The following DNER variants were observed in gnomAD, a reference collection of about 807,000 sequenced individuals.
DNER encodes the protein delta and Notch-like epidermal growth factor-related receptor.
Under a neutral mutation model 78.2 loss-of-function variants are expected in DNER, and 33 were observed. The ratio of observed to expected loss-of-function variants is 0.42; its 90% CI spans 0.32 to 0.56. DNER has a LOEUF of 0.56. Ranked by LOEUF, DNER falls within the 20% of genes least tolerant of loss-of-function variation. The probability of loss-of-function intolerance (pLI) is 0.11; values close to 1 mark genes in which losing one functional copy is unlikely to be tolerated. For synonymous variants in DNER, 417 were observed against 384.8 expected, an observed-to-expected ratio of 1.08 and a Z score of -0.98; for missense variants, 918 against 975.3, an observed-to-expected ratio of 0.94 and a Z score of 0.78.
intron 9 of DNER, among the ~76,000 whole-genome samples, chr2:229,411,315 G>T (rs1402161648): frequency 2.0e-5 from 3 of 152,154 alleles, no homozygotes; most frequent in African/African-American, 7.2e-5. Flanking sequence ...CCAGCACTTT[G>T]GGAGGCCAAC....
rs57647946 is a variant in DNER at position 229,477,099 on chromosome 2, A to C, written c.1261+41T>G. 6,019 of 1,514,828 alleles carry C rather than the reference A, an allele frequency of 4.0e-3. 209 individuals are homozygous for C. In the African/African-American group the frequency reaches 0.074, roughly 19 times the overall value. 93.8% of individuals were successfully genotyped at this position (1,514,828 alleles called of 1,614,324 possible). The stretch of plus-strand genomic sequence containing the variant: ...GCTGATCAAATTAGTTTATGATTTA[A>C]AATGAAAAAAGTTCTTTCTGGAGTA... On this transcript the variant is annotated intron_variant, in intron 7 of 12. Coordinates refer to ENST00000341772, the MANE Select transcript of DNER (RefSeq NM_139072.4).
At chr2:229,662,295 G>A (rs1699021678) in intron 1 of DNER, among the ~76,000 whole-genome samples, 1 of 152,130 alleles carries the variant, frequency 6.6e-6, no homozygotes, top group African/African-American at 2.4e-5. Flanking sequence ...CTGTGTCTTG[G>A]AGCAGCCTCA....
At chr2:229,437,125 T>C (rs775268058) in intron 8 of DNER, among the ~76,000 whole-genome samples, 29 of 151,808 alleles carry the variant, frequency 1.9e-4, no homozygotes, top group Admixed American at 1.1e-3. Context: ...ACAGAAAACA[T>C]AAAAAGGCAG....
At chr2:229,535,331 A>T (rs1454927602) in intron 5 of DNER, among the ~76,000 whole-genome samples, 1 of 152,204 alleles carries the variant, frequency 6.6e-6, no homozygotes, top group Non-Finnish European at 1.5e-5. Context: ...CCAGTAGACA[A>T]ATCTTCGAGT....
At chr2:229,687,727 AT>A (rs1022344143) in intron 1 of DNER, among the ~76,000 whole-genome samples, 2 of 152,222 alleles carry the variant, frequency 1.3e-5, no homozygotes, top group African/African-American at 4.8e-5. Context: ...CAAGAAGTAT[AT>A]TTTTAATGAA....
intron 8 of DNER, among the ~76,000 whole-genome samples, chr2:229,443,924 T>C: frequency 6.6e-6 from 1 of 152,158 alleles, no homozygotes; most frequent in East Asian, 1.9e-4. Flanking sequence ...TTTTACACAG[T>C]CACCTAACAA....
chr2:229,423,116 G>A (rs1687555351), intron 8 of DNER, among the ~76,000 whole-genome samples: 1 of 152,032 alleles, frequency 6.6e-6, no homozygotes, highest in Non-Finnish European at 1.5e-5. Context: ...TGATTGGAGG[G>A]TTCTACTGGA....
In DNER at chr2:229,506,006, T is replaced by C. The variant is rs575712384; in HGVS notation, c.1147+6777A>G. Among the ~76,000 whole-genome samples, 14 of 152,300 alleles carry C rather than the reference T, an allele frequency of 9.2e-5. No homozygotes were observed. In the East Asian group the frequency reaches 2.5e-3, roughly 27 times the overall value. ...TTTAATAGAAGACATAACAGATGACTGTTTCGTGAATCAAGATCAATTTGC... is the reference window on the plus strand; with the variant it reads ...TTTAATAGAAGACATAACAGATGACCGTTTCGTGAATCAAGATCAATTTGC... On this transcript the variant is annotated intron_variant, in intron 6 of 12. Coordinates refer to ENST00000341772, the MANE Select transcript of DNER (RefSeq NM_139072.4).
At chr2:229,540,961 G>C (rs1449403466) in intron 5 of DNER, among the ~76,000 whole-genome samples, 1 of 152,196 alleles carries the variant, frequency 6.6e-6, no homozygotes, top group African/African-American at 2.4e-5. Flanking sequence ...ACATAGGCCA[G>C]AGCCAATCAA....
Position 229,418,176 on chromosome 2 carries a change from C to T in DNER, c.1541G>A (p.Cys514Tyr). 6.2e-7 allele frequency: 1 copy of T among 1,614,148 alleles called. No individual in the cohort carries two copies. Among genetic ancestry groups the T allele is most frequent in the Non-Finnish European group, 8.5e-7 (1 of 1,180,002 alleles). The change falls in exon 9 of 13, where the codon TGC becomes TAC. Residue 514 changes from cysteine to tyrosine, a missense_variant. Physicochemically the swap from Cys to Tyr is radical, Grantham distance 194 (BLOSUM62 -2). Coordinates refer to ENST00000341772, the MANE Select transcript of DNER (RefSeq NM_139072.4). The stretch of plus-strand genomic sequence containing the variant: ...GTCCCTGCAGGTGGCTGCATTCAGG[C>T]ATGGAGCGGAGAGGCACTCATTATA... ...EEYNECLSAP[C>Y]LNAATCRDLV...
At chr2:229,540,915 T>G (rs1222796314) in intron 5 of DNER, among the ~76,000 whole-genome samples, 2 of 152,244 alleles carry the variant, frequency 1.3e-5, no homozygotes, top group Non-Finnish European at 2.9e-5. Context: ...CTAGGGAGTC[T>G]TCTCAGAGTG....
chr2:229,546,830 C>CAGATAGAT lies in DNER; in HGVS notation c.993+109_993+116dup, dbSNP rs1262554079. The CAGATAGAT allele has an allele frequency of 1.1e-5, 13 of 1,214,768 alleles. No homozygotes were observed. In the African/African-American group the frequency reaches 1.5e-4, roughly 14 times the overall value. 75.2% of individuals were successfully genotyped at this position (1,214,768 alleles called of 1,614,324 possible). On this transcript the variant is annotated intron_variant, in intron 5 of 12. Coordinates refer to ENST00000341772, the MANE Select transcript of DNER (RefSeq NM_139072.4). ...ACAGACAGACAGACAGACAGACAGA[C>CAGATAGAT]AGATAGATAGATAGAGCAAGGATGA...
chr2:229,680,496 A>G (rs866640334), intron 1 of DNER, among the ~76,000 whole-genome samples: 28 of 152,158 alleles, frequency 1.8e-4, no homozygotes, highest in African/African-American at 5.3e-4. Context: ...GGAGTCACTA[A>G]TTTTATCATT....
At chr2:229,494,878 C>T (rs1259141058) in intron 6 of DNER, among the ~76,000 whole-genome samples, 1 of 152,158 alleles carries the variant, frequency 6.6e-6, no homozygotes, top group Admixed American at 6.5e-5. Context: ...TCTCTGTCCC[C>T]TTTAGTTCAA....
chr2:229,646,548 T>G (rs1430296480), intron 1 of DNER, among the ~76,000 whole-genome samples: 4 of 152,272 alleles, frequency 2.6e-5, no homozygotes, highest in African/African-American at 9.6e-5. Context: ...CAGCCATCTC[T>G]GAGTTACTAA....
At chr2:229,683,746 A>G (rs1200870573) in intron 1 of DNER, among the ~76,000 whole-genome samples, 1 of 152,050 alleles carries the variant, frequency 6.6e-6, no homozygotes, top group African/African-American at 2.4e-5. Context: ...ATATTTAATA[A>G]CATACCTCAA....
intron 10 of DNER, among the ~76,000 whole-genome samples, chr2:229,389,942 A>G (rs1253189057): frequency 6.6e-6 from 1 of 152,220 alleles, no homozygotes; most frequent in Non-Finnish European, 1.5e-5. Context: ...TTGATTGCCT[A>G]TTTCAAAGGC....
intron 1 of DNER, among the ~76,000 whole-genome samples, chr2:229,640,033 A>T (rs1698589661): frequency 6.6e-6 from 1 of 152,226 alleles, no homozygotes; most frequent in South Asian, 2.1e-4. Flanking sequence ...CATCAGCAGA[A>T]GTCCTTCTCC....
chr2:229,528,910 G>A (rs990876432), intron 5 of DNER, among the ~76,000 whole-genome samples: 11 of 152,254 alleles, frequency 7.2e-5, no homozygotes, highest in South Asian at 6.2e-4. Flanking sequence ...TCCATGTCCC[G>A]GGGCTGTGGC....
Sources: allele counts gnomAD v4.1 joint callset (sites outside exome capture counted in the v4.1 genomes callset), GRCh38; gene constraint gnomAD v4.1.1; transcripts MANE v1.5; gene names NCBI Gene and HGNC (gene_info 2026-07-23, HGNC 2026-07-21).